The following RIMS2 variants were observed in gnomAD, a reference collection of about 807,000 sequenced individuals.
RIMS2 encodes the protein regulating synaptic membrane exocytosis 2, also known as regulating synaptic membrane exocytosis protein 2.
In RIMS2, 59 loss-of-function variants were observed where a neutral mutation model predicts 174.4. That is an observed-to-expected ratio of 0.34 (90% CI 0.27 to 0.42). The LOEUF (loss-of-function observed/expected upper bound fraction) is 0.42. Ranked by LOEUF, RIMS2 falls within the 10% of genes least tolerant of loss-of-function variation. RIMS2 has a pLI of 1.00. For missense variants in RIMS2, 1,620 were observed against 1,666.3 expected (o/e 0.97, Z 0.48); for synonymous variants, 606 against 572.5 (o/e 1.06, Z -0.84).
intron 1 of RIMS2, among the ~76,000 whole-genome samples, chr8:103,645,459 C>G (rs117872183): frequency 0.019 from 2,921 of 152,074 alleles, 34 homozygotes; most frequent in Non-Finnish European, 0.029. Flanking sequence ...AAAAGTGAAT[C>G]AATTTGATCT....
chr8:103,892,842 T>G (rs2099254921), intron 4 of RIMS2, among the ~76,000 whole-genome samples: 1 of 152,092 alleles, frequency 6.6e-6, no homozygotes. Flanking sequence ...GCTGTTATGT[T>G]GGATTGGAAT....
intron 15 of RIMS2, among the ~76,000 whole-genome samples, chr8:103,966,483 T>C (rs1489938751): frequency 6.6e-6 from 1 of 152,102 alleles, no homozygotes; most frequent in Non-Finnish European, 1.5e-5. Context: ...CTTTTTCATT[T>C]CTGATATTAG....
At chr8:103,985,044 G>A (rs1028601519) in intron 16 of RIMS2, among the ~76,000 whole-genome samples, 1 of 152,192 alleles carries the variant, frequency 6.6e-6, no homozygotes, top group Non-Finnish European at 1.5e-5. Flanking sequence ...GCTGGGATGG[G>A]TCGCAGTGGG....
chr8:103,993,353 T>C (rs1235639150), intron 17 of RIMS2, among the ~76,000 whole-genome samples: 2 of 152,084 alleles, frequency 1.3e-5, no homozygotes, highest in African/African-American at 2.4e-5. Flanking sequence ...AAGCTTTTTT[T>C]CTCCTATACA....
At chr8:103,591,669 A>T (rs1436368014) in intron 1 of RIMS2, among the ~76,000 whole-genome samples, 1 of 151,022 alleles carries the variant, frequency 6.6e-6, no homozygotes, top group Non-Finnish European at 1.5e-5. Context: ...GTTAAACAAA[A>T]TTTTTTTCCT....
chr8:103,921,889 G>T, intron 10 of RIMS2, 105 bp downstream of exon 13: 1 of 488,886 alleles, frequency 2.0e-6, no homozygotes, highest in Non-Finnish European at 3.7e-6. Flanking sequence ...ACATAATTGT[G>T]CTTTTAACCT....
chr8:103,815,567 C>T (rs113195461), intron 3 of RIMS2, among the ~76,000 whole-genome samples: 8 of 152,108 alleles, frequency 5.3e-5, no homozygotes, highest in African/African-American at 1.9e-4. Flanking sequence ...CTCTGCTGGA[C>T]TCAATGTAAA....
At chr8:103,585,061 A>G (rs1047432306) in intron 1 of RIMS2, among the ~76,000 whole-genome samples, 4 of 152,218 alleles carry the variant, frequency 2.6e-5, no homozygotes, top group Non-Finnish European at 5.9e-5. Flanking sequence ...AATGGAAACT[A>G]TAAAAGAGCA....
At chr8:103,860,954 A>G (rs896629095) in intron 3 of RIMS2, among the ~76,000 whole-genome samples, 3 of 151,520 alleles carry the variant, frequency 2.0e-5, no homozygotes, top group African/African-American at 7.3e-5. Context: ...ATAGTAGGTT[A>G]TATTTTTTCT....
intron 19 of RIMS2, among the ~76,000 whole-genome samples, chr8:104,184,493 A>G (rs1373205847): frequency 1.3e-5 from 2 of 151,534 alleles, no homozygotes; most frequent in African/African-American, 4.8e-5. Context: ...ATATCTAAAC[A>G]ATGTTTTTAT....
At chr8:104,111,303 T>C (rs1033434637) in intron 19 of RIMS2, among the ~76,000 whole-genome samples, 3 of 152,240 alleles carry the variant, frequency 2.0e-5, no homozygotes, top group Admixed American at 1.3e-4. Context: ...TTCCCAAATA[T>C]ATTTTAAAAA....
intron 3 of RIMS2, among the ~76,000 whole-genome samples, chr8:103,834,674 C>CT (rs1554867087): frequency 8.8e-6 from 1 of 113,852 alleles, no homozygotes; most frequent in African/African-American, 3.1e-5. Context: ...CCTCTGAGGT[C>CT]TTTTTCTTTC....
chr8:103,888,377 G>A (rs2099219636), intron 4 of RIMS2, among the ~76,000 whole-genome samples: 1 of 151,010 alleles, frequency 6.6e-6, no homozygotes, highest in African/African-American at 2.4e-5. Context: ...TTTTTTTTAT[G>A]GAGTATATAG....
intron 3 of RIMS2, among the ~76,000 whole-genome samples, chr8:103,801,097 G>A (rs1314762342): frequency 1.3e-5 from 2 of 152,024 alleles, no homozygotes; most frequent in African/African-American, 4.8e-5. Context: ...CAATTCTCCT[G>A]CATCAGCCTC....
At chr8:103,888,734 A>T (rs989661816) in intron 4 of RIMS2, among the ~76,000 whole-genome samples, 3 of 151,642 alleles carry the variant, frequency 2.0e-5, no homozygotes, top group African/African-American at 7.2e-5. Flanking sequence ...GTTAAATTAA[A>T]ATCCTATTTG....
chr8:104,178,570 A>C (rs575430404), intron 19 of RIMS2, among the ~76,000 whole-genome samples: 4 of 152,130 alleles, frequency 2.6e-5, no homozygotes, highest in Non-Finnish European at 5.9e-5. Flanking sequence ...ACCATTACCT[A>C]GTCTAGTGTT....
At chr8:103,620,437 T>TA (rs931541568) in intron 1 of RIMS2, among the ~76,000 whole-genome samples, 241 of 151,442 alleles carry the variant, frequency 1.6e-3, no homozygotes, top group African/African-American at 5.1e-3. Context: ...AGCTATAATT[T>TA]AAAAAAAAAT....
At chr8:103,749,222 C>G (rs1282958871) in intron 2 of RIMS2, among the ~76,000 whole-genome samples, 1 of 151,906 alleles carries the variant, frequency 6.6e-6, no homozygotes, top group Non-Finnish European at 1.5e-5. Flanking sequence ...TGCCATTCTC[C>G]TCCCTCAGCC....
intron 4 of RIMS2, among the ~76,000 whole-genome samples, chr8:103,906,223 C>T (rs1268950940): frequency 6.6e-6 from 1 of 151,860 alleles, no homozygotes; most frequent in Admixed American, 6.6e-5. Flanking sequence ...TTATACATGA[C>T]AGTTTTTTGT....
Sources: allele counts gnomAD v4.1 joint callset (sites outside exome capture counted in the v4.1 genomes callset), GRCh38; gene constraint gnomAD v4.1.1; transcripts MANE v1.5; gene names NCBI Gene and HGNC (gene_info 2026-07-23, HGNC 2026-07-21).